PCDH15: variants seen among roughly 807,000 people sequenced by gnomAD.
PCDH15 encodes the protein protocadherin related 15, also known as protocadherin-15.
Under a neutral mutation model 178.5 loss-of-function variants are expected in PCDH15, and 129 were observed. The observed-to-expected ratio is 0.72, with a 90% CI of 0.63 to 0.84. PCDH15 has a LOEUF of 0.84. Among genes scored for constraint, PCDH15 ranks in the 40% least tolerant of loss-of-function variants. PCDH15 has a pLI of 0.00. For synonymous variants in PCDH15, 800 were observed against 732.0 expected, an observed-to-expected ratio of 1.09 and a Z score of -1.50; for missense variants, 2,230 against 2,099.9, an observed-to-expected ratio of 1.06 and a Z score of -1.21.
chr10:55,456,486 C>T (rs1260865956), intron 2 of PCDH15, among the ~76,000 whole-genome samples: 3 of 151,860 alleles, frequency 2.0e-5, no homozygotes, highest in African/African-American at 7.3e-5. Context: ...TTGAATTCAC[C>T]AACTCTTGTT....
chr10:54,165,205 C>T (rs2046099887), intron 13 of PCDH15, among the ~76,000 whole-genome samples: 1 of 152,044 alleles, frequency 6.6e-6, no homozygotes, highest in African/African-American at 2.4e-5. Flanking sequence ...GCATAACAGG[C>T]TCCCAGTTTT....
At chr10:55,546,909 G>A (rs1363623897) in intron 2 of PCDH15, among the ~76,000 whole-genome samples, 2 of 152,208 alleles carry the variant, frequency 1.3e-5, no homozygotes, top group East Asian at 3.9e-4. Context: ...GGCAGCAGGA[G>A]CTTTCAGTCC....
At chr10:54,008,598 CTA>C (rs2092462250) in intron 20 of PCDH15, among the ~76,000 whole-genome samples, 1 of 152,170 alleles carries the variant, frequency 6.6e-6, no homozygotes, top group Non-Finnish European at 1.5e-5. Context: ...AAGTCAGAAT[CTA>C]TGAGTGTTTA....
intron 2 of PCDH15, among the ~76,000 whole-genome samples, chr10:55,361,010 G>A (rs990132920): frequency 5.9e-5 from 9 of 151,838 alleles, no homozygotes; most frequent in South Asian, 2.1e-4. Flanking sequence ...CAACACGAAC[G>A]AACTGCATTT....
chr10:53,977,397 C>T (rs1487011488), intron 21 of PCDH15, among the ~76,000 whole-genome samples: 3 of 152,200 alleles, frequency 2.0e-5, no homozygotes, highest in African/African-American at 7.2e-5. Context: ...ACTGAAAGCT[C>T]TCCTTGGCTG....
At chr10:54,694,493 G>A (rs1403474705) in intron 1 of PCDH15, among the ~76,000 whole-genome samples, 3 of 152,054 alleles carry the variant, frequency 2.0e-5, no homozygotes, top group Non-Finnish European at 4.4e-5. Context: ...ACAAATTGAA[G>A]TTTTGTGGCA....
intron 2 of PCDH15, among the ~76,000 whole-genome samples, chr10:55,163,983 A>C (rs2132115917): frequency 6.6e-6 from 1 of 152,268 alleles, no homozygotes; most frequent in Non-Finnish European, 1.5e-5. Context: ...TTAATAAATC[A>C]ATTCTTGTAC....
At chr10:54,736,443 C>T (rs938633154) in intron 1 of PCDH15, among the ~76,000 whole-genome samples, 1 of 152,042 alleles carries the variant, frequency 6.6e-6, no homozygotes, top group African/African-American at 2.4e-5. Context: ...ATAAATGTGC[C>T]CCATGCTGCT....
At chr10:53,894,211 T>C (rs1261767857) in intron 26 of PCDH15, among the ~76,000 whole-genome samples, 1 of 152,140 alleles carries the variant, frequency 6.6e-6, no homozygotes, top group Non-Finnish European at 1.5e-5. Context: ...GATAACAGTA[T>C]AATTGGTTTA....
intron 2 of PCDH15, among the ~76,000 whole-genome samples, chr10:54,561,316 A>G (rs2088112247): frequency 6.6e-6 from 1 of 152,156 alleles, no homozygotes; most frequent in Admixed American, 6.6e-5. Flanking sequence ...TGTTAATTGT[A>G]GAAATACAAT....
chr10:54,859,048 T>C (rs1419900763), intron 3 of PCDH15, among the ~76,000 whole-genome samples: 5 of 152,106 alleles, frequency 3.3e-5, no homozygotes, highest in African/African-American at 1.2e-4. Context: ...GTTAGTAGTG[T>C]ATCATTATTC....
At chr10:55,453,427 A>C (rs1333303131) in intron 2 of PCDH15, among the ~76,000 whole-genome samples, 2 of 152,168 alleles carry the variant, frequency 1.3e-5, no homozygotes, top group African/African-American at 4.8e-5. Context: ...AAGCTATGAA[A>C]AATACTCAAA....
chr10:54,620,710 ACT>A (rs931105682), intron 2 of PCDH15, among the ~76,000 whole-genome samples: 4 of 151,856 alleles, frequency 2.6e-5, no homozygotes, highest in Non-Finnish European at 5.9e-5. Flanking sequence ...TTACTGTAAA[ACT>A]CTATTATTTA....
chr10:55,474,720 C>T (rs1028437103), intron 2 of PCDH15, among the ~76,000 whole-genome samples: 4 of 152,106 alleles, frequency 2.6e-5, no homozygotes, highest in Non-Finnish European at 4.4e-5. Context: ...CAATTTGCTG[C>T]CTCTCAATTG....
At chr10:54,546,335 T>A (rs887110181) in intron 2 of PCDH15, among the ~76,000 whole-genome samples, 2 of 152,158 alleles carry the variant, frequency 1.3e-5, no homozygotes, top group African/African-American at 4.8e-5. Context: ...AGTCAAAAAA[T>A]TATAAAGCAG....
At chr10:54,229,701 G>A (rs544397738) in intron 9 of PCDH15, among the ~76,000 whole-genome samples, 2 of 152,164 alleles carry the variant, frequency 1.3e-5, no homozygotes, top group East Asian at 1.9e-4. Flanking sequence ...TTCACCTTCC[G>A]CCATGATTGT....
At chr10:55,247,754 A>G (rs1047816785) in intron 1 of PCDH15, 2 of 152,026 alleles carry the variant, frequency 1.3e-5, no homozygotes, top group Non-Finnish European at 2.9e-5. Flanking sequence ...TCATCTTTAC[A>G]AAACATATAC....
intron 8 of PCDH15, among the ~76,000 whole-genome samples, chr10:54,301,206 C>A (rs1350846318): frequency 1.3e-5 from 2 of 152,140 alleles, no homozygotes; most frequent in South Asian, 4.1e-4. Flanking sequence ...CTGGAAGGAA[C>A]AAATTCTGGA....
At chr10:54,996,335 C>T (rs10825425) in intron 2 of PCDH15, among the ~76,000 whole-genome samples, 108,562 of 151,560 alleles carry the variant, frequency 0.72, 39,077 homozygotes, top group East Asian at 0.86. Flanking sequence ...CTGGATATGC[C>T]GTCCTCAATT....
Sources: gnomAD v4.1 joint callset for allele counts (sites outside exome capture counted in the v4.1 genomes callset) on GRCh38, gnomAD v4.1.1 for gene constraint, MANE v1.5 for transcripts, NCBI Gene and HGNC (gene_info 2026-07-23, HGNC 2026-07-21) for gene names.